Variants in FRMD3 observed in about 807,000 individuals in gnomAD.
FRMD3 encodes FERM domain containing 3, also known as FERM domain-containing protein 3.
A neutral mutation model predicts 70.2 loss-of-function variants in FRMD3; 33 were observed. The ratio of observed to expected loss-of-function variants is 0.47; its 90% confidence interval spans 0.36 to 0.63. The LOEUF (loss-of-function observed/expected upper bound fraction) is 0.63. Ranked by LOEUF, FRMD3 falls within the 20% of genes least tolerant of loss-of-function variation. The pLI, the probability that FRMD3 is intolerant of heterozygous loss-of-function variation, is 0.00. For synonymous variants in FRMD3, 279 were observed against 255.9 expected (o/e 1.09, Z -0.86); for missense variants, 632 against 711.4 (o/e 0.89, Z 1.27).
intron 6 of FRMD3, among the ~76,000 whole-genome samples, chr9:83,331,473 G>A (rs1293410660): frequency 1.3e-5 from 2 of 152,088 alleles, no homozygotes; most frequent in Non-Finnish European, 2.9e-5. Context: ...TTAGGACAGG[G>A]AAACTACTCT....
chr9:83,372,702 G>A (rs1825015060), intron 3 of FRMD3, among the ~76,000 whole-genome samples: 1 of 152,006 alleles, frequency 6.6e-6, no homozygotes, highest in Admixed American at 6.5e-5. Context: ...GGGAGGGAGA[G>A]AGGCCCAGGA....
chr9:83,519,592 C>T (rs1213703907), intron 1 of FRMD3, among the ~76,000 whole-genome samples: 1 of 152,188 alleles, frequency 6.6e-6, no homozygotes, highest in Non-Finnish European at 1.5e-5. Context: ...GATGATTCCT[C>T]AAGGATCTAG....
At chr9:83,300,687 G>T (rs971345524) in intron 10 of FRMD3, among the ~76,000 whole-genome samples, 3 of 152,088 alleles carry the variant, frequency 2.0e-5, no homozygotes, top group African/African-American at 7.2e-5. Flanking sequence ...AAAAGGTATT[G>T]AAATTTTTTA....
At chr9:83,538,491 T>G, upstream of FRMD3, 2 of 313,006 alleles carry the variant, frequency 6.4e-6, no homozygotes, top group East Asian at 1.0e-4. The surrounding 1 kb of genome is among the most constrained non-coding windows in gnomAD (Gnocchi z 4.7). Context: ...CGCCTCCCTC[T>G]GCCCGGGCTC....
At chr9:83,391,838 T>G (rs1825674336) in intron 1 of FRMD3, among the ~76,000 whole-genome samples, 1 of 152,138 alleles carries the variant, frequency 6.6e-6, no homozygotes, top group African/African-American at 2.4e-5. Flanking sequence ...TCTTTGCTAC[T>G]GAAGGTATAG....
chr9:83,480,976 T>A (rs1828555397), intron 1 of FRMD3, among the ~76,000 whole-genome samples: 1 of 152,230 alleles, frequency 6.6e-6, no homozygotes, highest in Non-Finnish European at 1.5e-5. Flanking sequence ...TAGAGCAGGA[T>A]ATAGCCATTT....
intron 1 of FRMD3, among the ~76,000 whole-genome samples, chr9:83,460,940 GA>G (rs201984309): frequency 2.9e-4 from 42 of 145,780 alleles, no homozygotes; most frequent in East Asian, 1.2e-3. Context: ...GAGGCAGCAG[GA>G]AAAAAAAAAA....
At chr9:83,299,014 G>A in intron 11 of FRMD3, 98 bp downstream of exon 11, 1 of 1,006,054 alleles carries the variant, frequency 9.9e-7, no homozygotes. Flanking sequence ...CTCAAACAGA[G>A]GCACAAGCCA....
intron 3 of FRMD3, among the ~76,000 whole-genome samples, chr9:83,362,775 CCTTA>C (rs1362782798): frequency 6.7e-6 from 1 of 149,872 alleles, no homozygotes; most frequent in African/African-American, 2.5e-5. Flanking sequence ...CTCCTTCCTT[CCTTA>C]TTTCCTTCCC....
chr9:83,420,937 C>CTTTTTTTTTT (rs897070718), intron 1 of FRMD3, among the ~76,000 whole-genome samples: 7 of 107,716 alleles, frequency 6.5e-5, no homozygotes, highest in African/African-American at 1.1e-4. Context: ...TTTCTTTCTT[C>CTTTTTTTTTT]TTTTTTTTTT....
intron 1 of FRMD3, among the ~76,000 whole-genome samples, chr9:83,402,694 G>A (rs539209117): frequency 1.3e-5 from 2 of 152,062 alleles, no homozygotes; most frequent in East Asian, 3.9e-4. Flanking sequence ...CCTCAGCAGG[G>A]CTCAGACACA....
intron 1 of FRMD3, among the ~76,000 whole-genome samples, chr9:83,432,433 G>A (rs538483635): frequency 3.7e-4 from 57 of 152,280 alleles, no homozygotes; most frequent in African/African-American, 1.3e-3. Context: ...GTGACTGTGT[G>A]TCCTTTGTGT....
At chr9:83,289,604 G>A (rs1339642571) in intron 13 of FRMD3, among the ~76,000 whole-genome samples, 3 of 152,172 alleles carry the variant, frequency 2.0e-5, no homozygotes, top group Non-Finnish European at 4.4e-5. Context: ...GTTTTCTCCT[G>A]TGAAATAAAT....
intron 6 of FRMD3, among the ~76,000 whole-genome samples, chr9:83,314,435 A>G (rs766183614): frequency 2.9e-4 from 44 of 152,260 alleles, no homozygotes; most frequent in Admixed American, 2.2e-3. Flanking sequence ...AATCTCAATC[A>G]TTCCCCAAGG....
At chr9:83,481,964 A>C (rs75240732) in intron 1 of FRMD3, among the ~76,000 whole-genome samples, 3 of 16,488 alleles carry the variant, frequency 1.8e-4, no homozygotes, top group African/African-American at 3.4e-4. Flanking sequence ...TTCATAACAA[A>C]AAAAAAAAAA....
At position 83,469,250 on chromosome 9, in the gene FRMD3, G is replaced by A. The variant is rs542966198; in HGVS notation, c.147+68835C>T. ...ACAAAAATTAAATCTTATCCCCAGA[G>A]TGGTAAGTAGCAGTTCGCTGCTGAG... On this transcript the variant is annotated intron_variant, in intron 1 of 13. Transcript: ENST00000304195. Among the ~76,000 whole-genome samples, 62 of 152,338 alleles carry A rather than the reference G, an allele frequency of 4.1e-4. 1 individual carries two copies. The South Asian group carries it at 4.1e-3, about 10-fold the overall frequency.
At chr9:83,545,488 G>C in the FRMD3 span, among the ~76,000 whole-genome samples, 1 of 150,942 alleles carries the variant, frequency 6.6e-6, no homozygotes, top group East Asian at 2.0e-4. Flanking sequence ...CTCTCAAGTA[G>C]CTAGGACTAC....
At chr9:83,272,245 A>G (rs1209465659) in intron 13 of FRMD3, among the ~76,000 whole-genome samples, 1 of 150,854 alleles carries the variant, frequency 6.6e-6, no homozygotes, top group Non-Finnish European at 1.5e-5. Context: ...CTGGGATTGC[A>G]GGCGGGCGCC....
intron 13 of FRMD3, among the ~76,000 whole-genome samples, chr9:83,278,337 C>T (rs907633092): frequency 3.3e-5 from 5 of 152,054 alleles, no homozygotes; most frequent in Non-Finnish European, 5.9e-5. Context: ...CTGAGCTCCA[C>T]TTACCAAAAT....
Sources: allele counts gnomAD v4.1 joint callset (sites outside exome capture counted in the v4.1 genomes callset), GRCh38; gene constraint gnomAD v4.1.1; non-coding constraint Gnocchi (gnomAD v3.1); transcripts MANE v1.5; gene names NCBI Gene and HGNC (gene_info 2026-07-23, HGNC 2026-07-21).